The following IQGAP2 variants were observed in gnomAD, a reference collection of about 807,000 sequenced individuals.
IQGAP2 encodes the protein ras GTPase-activating-like protein IQGAP2.
A neutral mutation model predicts 201.3 loss-of-function variants in IQGAP2; 173 were observed. The ratio of observed to expected loss-of-function variants is 0.86; its 90% confidence interval spans 0.76 to 0.98. The LOEUF (loss-of-function observed/expected upper bound fraction) is 0.98. Ranked by LOEUF, IQGAP2 falls within the 50% of genes least tolerant of loss-of-function variation. The pLI is 0.00. For synonymous variants in IQGAP2, 675 were observed against 673.9 expected, an observed-to-expected ratio of 1.00 and a Z score of -0.03; for missense variants, 1,687 against 1,864.8, an observed-to-expected ratio of 0.90 and a Z score of 1.76.
intron 2 of IQGAP2, among the ~76,000 whole-genome samples, chr5:76,521,405 G>A (rs1358214213): frequency 6.6e-6 from 1 of 152,178 alleles, no homozygotes; most frequent in Non-Finnish European, 1.5e-5. Flanking sequence ...TACAGTTTCT[G>A]TCTTTGGGGA....
intron 1 of IQGAP2, among the ~76,000 whole-genome samples, chr5:76,423,013 C>G (rs969531700): frequency 6.6e-6 from 1 of 152,194 alleles, no homozygotes; most frequent in African/African-American, 2.4e-5. Flanking sequence ...CAATGCTACG[C>G]CAGGCTTTGT....
At chr5:76,522,034 T>C (rs1758711098) in intron 2 of IQGAP2, among the ~76,000 whole-genome samples, 1 of 152,156 alleles carries the variant, frequency 6.6e-6, no homozygotes, top group African/African-American at 2.4e-5. Flanking sequence ...TGAGATGGTA[T>C]GGATTTGTTC....
At chr5:76,689,349 AGCAAGTT>A (rs1164017266) in intron 30 of IQGAP2, among the ~76,000 whole-genome samples, 2 of 151,746 alleles carry the variant, frequency 1.3e-5, no homozygotes, top group African/African-American at 4.8e-5. Flanking sequence ...CATGGAACTC[AGCAAGTT>A]GCCTCGCCAT....
intron 30 of IQGAP2, among the ~76,000 whole-genome samples, chr5:76,688,654 G>C (rs956456581): frequency 3.1e-4 from 47 of 152,180 alleles, no homozygotes; most frequent in African/African-American, 1.1e-3. Context: ...TAATGCAAAT[G>C]TTCCAAAATC....
At chr5:76,531,514 C>T (rs1173914458) in intron 2 of IQGAP2, among the ~76,000 whole-genome samples, 1 of 152,182 alleles carries the variant, frequency 6.6e-6, no homozygotes, top group African/African-American at 2.4e-5. Context: ...TTAATCTACT[C>T]ATGAGGGTTG....
At chr5:76,456,936 G>T (rs527564281) in intron 1 of IQGAP2, among the ~76,000 whole-genome samples, 2 of 151,974 alleles carry the variant, frequency 1.3e-5, no homozygotes, top group African/African-American at 4.8e-5. Flanking sequence ...AATAAATAAA[G>T]GTTAAATTTT....
intron 1 of IQGAP2, among the ~76,000 whole-genome samples, chr5:76,429,706 A>G (rs1752252622): frequency 6.6e-6 from 1 of 150,704 alleles, no homozygotes; most frequent in Non-Finnish European, 1.5e-5. Context: ...GTTAAAGTAA[A>G]CTTGTGCTAT....
chr5:76,545,035 A>G (rs58542602), intron 2 of IQGAP2, among the ~76,000 whole-genome samples: 25,700 of 151,968 alleles, frequency 0.17, 2,390 homozygotes, highest in Admixed American at 0.28. Flanking sequence ...ATACATATCT[A>G]TAGTTTTCTT....
At chr5:76,573,089 T>A (rs1053824217) in intron 4 of IQGAP2, among the ~76,000 whole-genome samples, 2 of 152,232 alleles carry the variant, frequency 1.3e-5, no homozygotes, top group Non-Finnish European at 2.9e-5. Flanking sequence ...GATTGTGATT[T>A]AGCAACTACT....
chr5:76,643,295 C>T (rs1166872008), intron 17 of IQGAP2, among the ~76,000 whole-genome samples: 1 of 152,134 alleles, frequency 6.6e-6, no homozygotes, highest in African/African-American at 2.4e-5. Context: ...GAATTTATAA[C>T]TGCAGAATGC....
chr5:76,689,230 T>TTAAAAAAAAA (rs566505116), intron 30 of IQGAP2, among the ~76,000 whole-genome samples: 1,546 of 86,434 alleles, frequency 0.018, 46 homozygotes, highest in Middle Eastern at 0.023. Flanking sequence ...CAGGGATATT[T>TTAAAAAAAAA]AAAAAAAAAA....
At chr5:76,537,539 G>C (rs531734217) in intron 2 of IQGAP2, among the ~76,000 whole-genome samples, 36 of 150,756 alleles carry the variant, frequency 2.4e-4, no homozygotes, top group Non-Finnish European at 4.9e-4. Flanking sequence ...AGGTCAGACT[G>C]TAGTTGTCGA....
rs377352847 is a variant in IQGAP2 at position 76,428,854 on chromosome 5, A to G, written c.46+25263A>G. Among the ~76,000 whole-genome samples the G allele has an allele frequency of 7.3e-5, 11 of 151,630 alleles. No individual in the cohort carries two copies. The East Asian group carries it at 2.0e-3, about 27-fold the overall frequency. ...ATGTCTGTAATCCCAGCACTGTGGG[A>G]GACCAAGGCAGGCAGATCACCTGAG... On this transcript the variant is annotated intron_variant, in intron 1 of 35. Coordinates refer to ENST00000274364, the MANE Select transcript of IQGAP2 (RefSeq NM_006633.5).
At position 76,476,756 on chromosome 5, in the gene IQGAP2, T is replaced by A. The variant is rs147516946; in HGVS notation, c.146+15087T>A. On this transcript the variant is annotated intron_variant, in intron 2 of 35. Transcript: ENST00000274364. Reference sequence around the variant, plus strand: ...TAGGGGCCCATTAGAGATCTTGTGTTACTGATTTACTAATTGTGCTACTGA... The same window carrying A: ...TAGGGGCCCATTAGAGATCTTGTGTAACTGATTTACTAATTGTGCTACTGA... 2.4e-3 allele frequency among the ~76,000 whole-genome samples: 363 copies of A among 152,298 alleles called. 1 individual carries two copies. Among genetic ancestry groups the A allele is most frequent in the African/African-American group, 8.4e-3 (350 of 41,554 alleles).
At chr5:76,555,903 G>A (rs1044118439) in intron 2 of IQGAP2, among the ~76,000 whole-genome samples, 1 of 152,160 alleles carries the variant, frequency 6.6e-6, no homozygotes, top group African/African-American at 2.4e-5. Flanking sequence ...CACCTTCTGT[G>A]GTTACAACCC....
At chr5:76,634,661 G>A (rs1750980352) in intron 15 of IQGAP2, among the ~76,000 whole-genome samples, 1 of 152,152 alleles carries the variant, frequency 6.6e-6, no homozygotes, top group Non-Finnish European at 1.5e-5. Context: ...ATAGAGCTAT[G>A]AGCATTGTTT....
rs1201441410 is a variant in IQGAP2 at position 76,552,408 on chromosome 5, T to C, written c.147-9988T>C. On this transcript the variant is annotated intron_variant, in intron 2 of 35. Transcript: ENST00000274364. Reference sequence around the variant, plus strand: ...ATGGATAAGCTGAGAATTTTCCAGATCTTTAAGTTCTGGTTTGTTTAGCCT... The same window carrying C: ...ATGGATAAGCTGAGAATTTTCCAGACCTTTAAGTTCTGGTTTGTTTAGCCT... 2.6e-5 allele frequency among the ~76,000 whole-genome samples: 4 copies of C among 152,308 alleles called. No homozygotes were observed. The East Asian group carries it at 7.7e-4, about 29-fold the overall frequency.
At chr5:76,497,430 A>C (rs1054093743) in intron 2 of IQGAP2, among the ~76,000 whole-genome samples, 2 of 152,140 alleles carry the variant, frequency 1.3e-5, no homozygotes, top group African/African-American at 4.8e-5. Flanking sequence ...AAAATGTAAA[A>C]CTTTCTTTTA....
chr5:76,507,653 G>T (rs1464942856), intron 2 of IQGAP2, among the ~76,000 whole-genome samples: 1 of 152,176 alleles, frequency 6.6e-6, no homozygotes, highest in Non-Finnish European at 1.5e-5. Context: ...TCTGATAAAA[G>T]ACTGTTTTTC....
Sources: gnomAD v4.1 joint callset for allele counts (sites outside exome capture counted in the v4.1 genomes callset) on GRCh38, gnomAD v4.1.1 for gene constraint, MANE v1.5 for transcripts, NCBI Gene and HGNC (gene_info 2026-07-23, HGNC 2026-07-21) for gene names.